Variants in LUM observed in about 807,000 individuals in gnomAD.
The protein encoded by LUM is lumican.
A neutral mutation model predicts 20.5 loss-of-function variants in LUM; 13 were observed. The observed-to-expected ratio is 0.63, with a 90% CI of 0.41 to 1.01. The LOEUF is 1.01. Among genes scored for constraint, LUM ranks in the 50% least tolerant of loss-of-function variants. LUM has a pLI of 0.00. For synonymous variants in LUM, 173 were observed against 151.5 expected (o/e 1.14, Z -1.04); for missense variants, 321 against 391.1 (o/e 0.82, Z 1.51).
chr12:91,107,259 GA>G (rs1208823752), intron 2 of LUM, among the ~76,000 whole-genome samples: 7 of 35,818 alleles, frequency 2.0e-4, no homozygotes, highest in African/African-American at 5.0e-4. Context: ...AAGAAAGAAA[GA>G]AAGAAAGAAA....
chr12:91,103,972 G>A lies in LUM; in HGVS notation c.*193C>T, dbSNP rs1224213299. On this transcript the variant is annotated 3_prime_UTR_variant, in exon 3 of 3. Coordinates refer to ENST00000266718, the MANE Select transcript of LUM (RefSeq NM_002345.4). ...AAAGCATTGAGTTTGATGTCTATTC[G>A]TGTATATGTGTGTGTTCTTGTGATG... 10 of 490,858 alleles carry A rather than the reference G, an allele frequency of 2.0e-5. No individual in the cohort carries two copies. Among genetic ancestry groups the A allele is most frequent in the African/African-American group, 3.9e-5 (2 of 51,142 alleles). 30.4% of individuals were successfully genotyped at this position (490,858 alleles called of 1,614,324 possible). A position where few individuals can be genotyped will look rare whatever the true frequency, so the allele number is the denominator to read the frequency against.
At chr12:91,110,578 A>G (rs187578020) in intron 1 of LUM, among the ~76,000 whole-genome samples, 1 of 152,328 alleles carries the variant, frequency 6.6e-6, no homozygotes, top group East Asian at 1.9e-4. Flanking sequence ...TAAATACTGT[A>G]AAGATTTGTC....
In LUM at chr12:91,108,966, G is replaced by A; in HGVS notation, c.14C>T (p.Ala5Val). MSLS[A>V]FTLFLALIGG... ...AATCAATGCCAGGAAGAGAGTAAAT[G>A]CACTTAGACTCATTTTTGGCAAATG... Residue 5 changes from alanine to valine, a missense_variant, in exon 2 of 3, where the codon GCA becomes GTA. Coordinates refer to ENST00000266718, the MANE Select transcript of LUM (RefSeq NM_002345.4). This position sits in a 1 kb window ranked among gnomAD's most constrained non-coding sequence, Gnocchi z 4.2. The A allele has an allele frequency of 6.2e-7, 1 of 1,612,288 alleles. No homozygotes were observed. Among genetic ancestry groups the A allele is most frequent in the Non-Finnish European group, 8.5e-7 (1 of 1,179,098 alleles).
Position 91,108,065 on chromosome 12 carries a change from A to T in LUM, c.862+53T>A. The T allele has an allele frequency of 6.3e-7, 1 of 1,588,754 alleles. No homozygotes were observed. Among genetic ancestry groups the T allele is most frequent in the Non-Finnish European group, 8.6e-7 (1 of 1,157,640 alleles). ...ATGCAATATCTGTGTTGTGCAGCCCAGGTATTTAAACACTTGAGCACACAT... is the reference window on the plus strand; with the variant it reads ...ATGCAATATCTGTGTTGTGCAGCCCTGGTATTTAAACACTTGAGCACACAT... On this transcript the variant is annotated intron_variant, in intron 2 of 2. Coordinates refer to ENST00000266718, the MANE Select transcript of LUM (RefSeq NM_002345.4). The surrounding 1 kb of genome is among the most constrained non-coding windows in gnomAD (Gnocchi z 4.2).
rs1174411458 is a variant in LUM at position 91,108,702 on chromosome 12, T to A, written c.278A>T (p.Gln93Leu). ...AAGGTTGTGATCTAGAATGAGCCAC[T>A]GCAGATCAGTTACATTCTCAAAGGC... Reference protein sequence around the residue: ...EKAFENVTDLQWLILDHNLLE... With the variant: ...EKAFENVTDLLWLILDHNLLE... Residue 93 changes from glutamine (Q) to leucine (L), a missense_variant, in exon 2 of 3, where the codon CAG (glutamine) becomes CTG (leucine). Coordinates refer to ENST00000266718, the MANE Select transcript of LUM (RefSeq NM_002345.4). This position sits in a 1 kb window ranked among gnomAD's most constrained non-coding sequence, Gnocchi z 4.2. The A allele has an allele frequency of 6.2e-7, 1 of 1,614,094 alleles. No homozygotes were observed. Among genetic ancestry groups the A allele is most frequent in the Admixed American group, 1.7e-5 (1 of 60,010 alleles).
In LUM at chr12:91,108,132, A is replaced by G; in HGVS notation, c.848T>C (p.Val283Ala). ...TTTTTACTTACTCTCAAGTTGATTG[A>G]CCTCCAGGTAATAGTTTTCAAGGTT... ...NENLENYYLE[V>A]NQLEKFDIKS... Residue 283 changes from valine (V) to alanine (A), a missense_variant, in exon 2 of 3, where the codon GTC becomes GCC. Val to Ala is a moderately conservative substitution (Grantham distance 64). Coordinates refer to ENST00000266718, the MANE Select transcript of LUM (RefSeq NM_002345.4). The surrounding 1 kb of genome is among the most constrained non-coding windows in gnomAD (Gnocchi z 4.2). 1 of 1,613,706 alleles carries G rather than the reference A, an allele frequency of 6.2e-7. No individual in the cohort carries two copies. The highest frequency in any genetic ancestry group is 8.5e-7 in the Non-Finnish European group (1 of 1,179,910).
At position 91,108,758 on chromosome 12, in the gene LUM, C is replaced by T. The variant is rs1457582037; in HGVS notation, c.222G>A (p.Arg74=). The change falls in exon 2 of 3, where the codon AGG becomes AGA. Residue 74 remains arginine (R), a synonymous_variant. Coordinates refer to ENST00000266718, the MANE Select transcript of LUM (RefSeq NM_002345.4). The surrounding 1 kb of genome is among the most constrained non-coding windows in gnomAD (Gnocchi z 4.2). ...CATCAATATGGTCAATCTGGTTATT[C>T]CTAAGGTAAAGATACTTGATTCCAG... ...VPPGIKYLYL[R]NNQIDHIDEK... is the part of the protein sequence containing the mutation. The T allele has an allele frequency of 4.3e-6, 7 of 1,613,878 alleles. No individual in the cohort carries two copies. The Admixed American group carries it at 5.0e-5, about 12-fold the overall frequency.
At position 91,108,991 on chromosome 12, in the gene LUM, G is replaced by A; in HGVS notation, c.-12C>T. 1.2e-6 allele frequency: 2 copies of A among 1,606,250 alleles called. No individual in the cohort carries two copies. The highest frequency in any genetic ancestry group is 1.7e-6 in the Non-Finnish European group (2 of 1,174,912). On this transcript the variant is annotated 5_prime_UTR_variant, in exon 2 of 3. Transcript: ENST00000266718. The surrounding 1 kb of genome is among the most constrained non-coding windows in gnomAD (Gnocchi z 4.2). ...GCACTTAGACTCATTTTTGGCAAAT[G>A]GTTTGAATCCTAAATAAAGATGAAA...
At chr12:91,109,452 GGGAATATGGGCA>G (rs1880155732) in intron 1 of LUM, among the ~76,000 whole-genome samples, 1 of 152,054 alleles carries the variant, frequency 6.6e-6, no homozygotes, top group African/African-American at 2.4e-5. Context: ...AGATCCTTAC[GGGAATATGGGCA>G]ACCTGAGGTT....
At chr12:91,105,765 C>T (rs1277215589) in intron 2 of LUM, among the ~76,000 whole-genome samples, 1 of 152,200 alleles carries the variant, frequency 6.6e-6, no homozygotes, top group Admixed American at 6.5e-5. Flanking sequence ...GTTGGCCTTT[C>T]TCCCATAGAC....
Position 91,108,920 on chromosome 12 carries a change from G to A in LUM, c.60C>T (p.Tyr20=), listed in dbSNP as rs1240055376. 1 of 1,613,708 alleles carries A rather than the reference G, an allele frequency of 6.2e-7. No homozygotes were observed. The highest frequency in any genetic ancestry group is 1.7e-5 in the Admixed American group (1 of 59,988). The part of the protein sequence containing the change: ...LALIGGTSGQ[Y]YDYDFPLSIY... Reference sequence around the variant, plus strand: ...TTGATAGGGGAAAATCATAATCATAGTACTGGCCACTGGTACCACCAATCA... The same window carrying A: ...TTGATAGGGGAAAATCATAATCATAATACTGGCCACTGGTACCACCAATCA... The change falls in exon 2 of 3, where the codon TAC becomes TAT. Residue 20 remains tyrosine, a synonymous_variant. Transcript: ENST00000266718. The surrounding 1 kb of genome is among the most constrained non-coding windows in gnomAD (Gnocchi z 4.2).
intron 2 of LUM, among the ~76,000 whole-genome samples, chr12:91,107,170 A>G (rs1240377681): frequency 2.1e-5 from 3 of 144,752 alleles, no homozygotes; most frequent in Admixed American, 7.1e-5. Context: ...AAAGAAAGAA[A>G]GAAAACGAAA....
intron 2 of LUM, among the ~76,000 whole-genome samples, chr12:91,107,536 A>G (rs1448669425): frequency 1.3e-5 from 2 of 152,056 alleles, no homozygotes; most frequent in African/African-American, 4.8e-5. Flanking sequence ...ATAATAAGAG[A>G]TATATATGAG....
At chr12:91,107,253 A>AAG (rs1370547647) in intron 2 of LUM, among the ~76,000 whole-genome samples, 7 of 27,926 alleles carry the variant, frequency 2.5e-4, no homozygotes, top group African/African-American at 5.9e-4. Context: ...GAAAGAAAGA[A>AAG]AGAAAGAAAG....
At position 91,104,126 on chromosome 12, in the gene LUM, A is replaced by G. The variant is rs566887307; in HGVS notation, c.*39T>C. The G allele has an allele frequency of 3.9e-6, 6 of 1,558,194 alleles. No homozygotes were observed. The highest frequency in any genetic ancestry group is 1.4e-5 in the African/African-American group (1 of 73,850). On this transcript the variant is annotated 3_prime_UTR_variant, in exon 3 of 3. Transcript: ENST00000266718. ...GGATACTATGAAAACTGACACACAG[A>G]AAAACATAACCATAAAATATTGTTC...
At chr12:91,106,494 G>A (rs1880034238) in intron 2 of LUM, among the ~76,000 whole-genome samples, 1 of 151,690 alleles carries the variant, frequency 6.6e-6, no homozygotes, top group African/African-American at 2.4e-5. Flanking sequence ...ATTTCCCATT[G>A]GAATCTATAC....
chr12:91,104,053 T>A lies in LUM; in HGVS notation c.*112A>T, dbSNP rs186863808. 1.1e-6 allele frequency: 1 copy of A among 890,060 alleles called. No homozygotes were observed. The highest frequency in any genetic ancestry group is 2.6e-5 in the East Asian group (1 of 38,220). 55.1% of individuals were successfully genotyped at this position (890,060 alleles called of 1,614,324 possible). A position where few individuals can be genotyped will look rare whatever the true frequency, so the allele number is the denominator to read the frequency against. ...AAAAAATAAATGTTTACAAAACATT[T>A]CCCTCAGATTTTAAAATTCATGGAA... On this transcript the variant is annotated 3_prime_UTR_variant, in exon 3 of 3. Coordinates refer to ENST00000266718, the MANE Select transcript of LUM (RefSeq NM_002345.4).
At chr12:91,107,298 A>AAAG (rs1880091691) in intron 2 of LUM, among the ~76,000 whole-genome samples, 1 of 128,896 alleles carries the variant, frequency 7.8e-6, no homozygotes, top group Non-Finnish European at 1.6e-5. Context: ...AGAAAGAAAG[A>AAAG]AAGAAAGAAA....
At position 91,103,617 on chromosome 12, in the gene LUM, T is replaced by C. The variant is rs188523523; in HGVS notation, c.*548A>G. ...ACATGCAAATAATCAAAGAGAAACA[T>C]ACATGACTTAGAGTGAAAAATAATT... On this transcript the variant is annotated 3_prime_UTR_variant, in exon 3 of 3. Coordinates refer to ENST00000266718, the MANE Select transcript of LUM (RefSeq NM_002345.4). The C allele has an allele frequency of 6.6e-6, 1 of 152,352 alleles. No individual in the cohort carries two copies. Among genetic ancestry groups the C allele is most frequent in the East Asian group, 1.9e-4 (1 of 5,192 alleles). 9.4% of individuals were successfully genotyped at this position (152,352 alleles called of 1,614,324 possible).
Sources: allele counts gnomAD v4.1 joint callset (sites outside exome capture counted in the v4.1 genomes callset), GRCh38; gene constraint gnomAD v4.1.1; non-coding constraint Gnocchi (gnomAD v3.1); transcripts MANE v1.5; gene names NCBI Gene and HGNC (gene_info 2026-07-23, HGNC 2026-07-21).